The following PDE10A variants were observed in gnomAD, a reference collection of about 807,000 sequenced individuals.
PDE10A encodes phosphodiesterase 10A.
A neutral mutation model predicts 97.7 loss-of-function variants in PDE10A; 39 were observed. The observed-to-expected ratio is 0.40, with a 90% CI of 0.31 to 0.52. The LOEUF is 0.52. PDE10A is among the 20% of genes least tolerant of loss of function. The probability of loss-of-function intolerance (pLI) is 0.56; values close to 1 mark genes in which losing one functional copy is unlikely to be tolerated. For missense variants in PDE10A, 731 were observed against 1,047.8 expected (o/e 0.70, Z 4.17); for synonymous variants, 371 against 376.8 (o/e 0.98, Z 0.18).
At chr6:165,985,809 T>G (rs560716600) in intron 1 of PDE10A, among the ~76,000 whole-genome samples, 13 of 152,176 alleles carry the variant, frequency 8.5e-5, no homozygotes, top group African/African-American at 2.9e-4. Context: ...CTGTCCCCAG[T>G]CAATACCTCT....
At chr6:165,639,349 C>T (rs77088254) in intron 1 of PDE10A, among the ~76,000 whole-genome samples, 1,556 of 152,248 alleles carry the variant, frequency 0.01, 20 homozygotes, top group Admixed American at 0.025. Context: ...TCATCCTTCC[C>T]TTCATTTGCA....
At chr6:165,804,877 G>A (rs957542652) in intron 1 of PDE10A, among the ~76,000 whole-genome samples, 3 of 151,746 alleles carry the variant, frequency 2.0e-5, no homozygotes, top group African/African-American at 7.3e-5. Context: ...ACGCGCCAGC[G>A]CGCGGAGGGG....
At chr6:165,566,282 G>A (rs756488397) in intron 1 of PDE10A, among the ~76,000 whole-genome samples, 1 of 151,968 alleles carries the variant, frequency 6.6e-6, no homozygotes, top group African/African-American at 2.4e-5. Flanking sequence ...TAACACATAC[G>A]TCATCAAAAA....
At chr6:165,831,782 G>A (rs1319570996) in intron 1 of PDE10A, among the ~76,000 whole-genome samples, 2 of 152,086 alleles carry the variant, frequency 1.3e-5, no homozygotes, top group African/African-American at 4.8e-5. Flanking sequence ...ACTGCACCCG[G>A]CCGCAGGAAT....
chr6:165,367,622 A>C (rs1187908525), intron 18 of PDE10A, among the ~76,000 whole-genome samples: 1 of 151,058 alleles, frequency 6.6e-6, no homozygotes, highest in Non-Finnish European at 1.5e-5. Flanking sequence ...CAGTATACTG[A>C]GGAGAACAAC....
chr6:165,469,110 G>A (rs1000129057), intron 3 of PDE10A, among the ~76,000 whole-genome samples: 1 of 152,296 alleles, frequency 6.6e-6, no homozygotes, highest in East Asian at 1.9e-4. Context: ...TTGCCTACTA[G>A]CATAGTGAGT....
intron 1 of PDE10A, among the ~76,000 whole-genome samples, chr6:165,593,250 G>A (rs778093825): frequency 6.6e-6 from 1 of 152,136 alleles, no homozygotes; most frequent in African/African-American, 2.4e-5. Flanking sequence ...ACTGAACAAT[G>A]AGAATGCATG....
chr6:165,883,927 G>A (rs1781558599), intron 1 of PDE10A, among the ~76,000 whole-genome samples: 1 of 152,192 alleles, frequency 6.6e-6, no homozygotes, highest in Non-Finnish European at 1.5e-5. Context: ...ACTCAGCTTG[G>A]TGGTCCTTGA....
intron 21 of PDE10A, 100 bp from the exon 22 acceptor site, chr6:165,333,227 A>G: frequency 1.3e-6 from 1 of 759,782 alleles, no homozygotes; most frequent in Non-Finnish European, 2.3e-6. Context: ...GCTCTGCACA[A>G]CGGCATTGTG....
At chr6:165,616,909 T>C (rs567637820) in intron 1 of PDE10A, among the ~76,000 whole-genome samples, 82 of 152,314 alleles carry the variant, frequency 5.4e-4, no homozygotes, top group African/African-American at 2.0e-3. Context: ...TAAAAATAAA[T>C]ATATATTGTT....
chr6:165,692,059 C>T (rs902128299), intron 1 of PDE10A, among the ~76,000 whole-genome samples: 2 of 152,172 alleles, frequency 1.3e-5, no homozygotes, highest in Non-Finnish European at 2.9e-5. Flanking sequence ...TAAGTTAAAA[C>T]ATTTGATTTT....
chr6:165,816,171 A>C (rs1874194), intron 1 of PDE10A, among the ~76,000 whole-genome samples: 7 of 151,724 alleles, frequency 4.6e-5, no homozygotes, highest in Non-Finnish European at 7.4e-5. Context: ...GGATGCTCTC[A>C]ATCTCCTGAC....
At chr6:165,813,791 C>CAAA (rs5881663) in intron 1 of PDE10A, among the ~76,000 whole-genome samples, 46 of 149,344 alleles carry the variant, frequency 3.1e-4, no homozygotes, top group South Asian at 1.3e-3. Context: ...TAATCGCAGA[C>CAAA]AAAAAAAAAA....
intron 1 of PDE10A, among the ~76,000 whole-genome samples, chr6:165,730,071 A>G (rs1792392272): frequency 6.6e-6 from 1 of 152,038 alleles, no homozygotes; most frequent in Admixed American, 6.6e-5. Context: ...ATGTGTATCT[A>G]TCTTGTATAT....
intron 1 of PDE10A, among the ~76,000 whole-genome samples, chr6:165,903,969 A>G (rs2457980): frequency 0.6 from 91,161 of 151,996 alleles, 27,841 homozygotes; most frequent in East Asian, 0.94. Context: ...GTTTCACTGG[A>G]GTGGAGAGAT....
At chr6:165,902,507 A>G (rs1188060606) in intron 1 of PDE10A, among the ~76,000 whole-genome samples, 1 of 152,130 alleles carries the variant, frequency 6.6e-6, no homozygotes, top group East Asian at 1.9e-4. Flanking sequence ...CTTGCTTGAT[A>G]TGGTGTGAAT....
intron 1 of PDE10A, among the ~76,000 whole-genome samples, chr6:165,854,171 G>T (rs1183238457): frequency 6.6e-6 from 1 of 152,230 alleles, no homozygotes; most frequent in Non-Finnish European, 1.5e-5. Context: ...GGCCGACGGG[G>T]CGCACCGGCG....
intron 1 of PDE10A, among the ~76,000 whole-genome samples, chr6:165,734,369 G>T (rs921464224): frequency 1.3e-5 from 2 of 152,116 alleles, no homozygotes; most frequent in African/African-American, 4.8e-5. Flanking sequence ...AAAATGATGA[G>T]CCAGAAGGGG....
chr6:165,642,078 G>A (rs1289164683), intron 1 of PDE10A, among the ~76,000 whole-genome samples: 1 of 152,118 alleles, frequency 6.6e-6, no homozygotes, highest in Non-Finnish European at 1.5e-5. Flanking sequence ...TTGACTCTGG[G>A]AAGGTGGAAT....
Sources: gnomAD v4.1 joint callset for allele counts (sites outside exome capture counted in the v4.1 genomes callset) on GRCh38, gnomAD v4.1.1 for gene constraint, MANE v1.5 for transcripts, NCBI Gene and HGNC (gene_info 2026-07-23, HGNC 2026-07-21) for gene names.